Variants in RBCK1 observed in about 807,000 individuals in gnomAD.
The protein encoded by RBCK1 is RANBP2-type and C3HC4-type zinc finger containing 1.
Under a neutral mutation model 71.1 loss-of-function variants are expected in RBCK1, and 44 were observed. The ratio of observed to expected loss-of-function variants is 0.62; its 90% CI spans 0.49 to 0.80. The LOEUF (loss-of-function observed/expected upper bound fraction) is 0.80, where lower values mean the gene tolerates loss of function less well. RBCK1 is among the 30% of genes least tolerant of loss of function. The probability of loss-of-function intolerance (pLI) is 0.00; values close to 1 mark genes in which losing one functional copy is unlikely to be tolerated. For synonymous variants in RBCK1, 306 were observed against 279.7 expected (o/e 1.09, Z -0.94); for missense variants, 569 against 685.0 (o/e 0.83, Z 1.89).
At chr20:416,155 T>A (rs1300271285) in intron 2 of RBCK1, among the ~76,000 whole-genome samples, 1 of 125,648 alleles carries the variant, frequency 8.0e-6, no homozygotes, top group East Asian at 2.5e-4. Context: ...CAGCAGTCAC[T>A]TTTTTTTTTT....
At position 417,755 on chromosome 20, in the gene RBCK1, A is replaced by G. The variant is rs759216580; in HGVS notation, c.285A>G (p.Pro95=). 6.2e-7 allele frequency: 1 copy of G among 1,613,136 alleles called. No individual in the cohort carries two copies. The highest frequency in any genetic ancestry group is 1.1e-5 in the South Asian group (1 of 91,048). Residue 95 remains proline, a synonymous_variant, in exon 4 of 12, where the codon CCA becomes CCG. Coordinates refer to ENST00000356286, the MANE Select transcript of RBCK1 (RefSeq NM_031229.4). The surrounding 1 kb of genome is among the most constrained non-coding windows in gnomAD (Gnocchi z 4.7). ...AGGTTTTTCTGGACTATGGCTTCCC[A>G]CCAGTCTTGCAGCAGTGGGTGATTG... is the stretch of plus-strand genomic sequence containing the variant. ...KDMVFLDYGF[P]PVLQQWVIGQ...
At chr20:411,407 C>A (rs989515229) in intron 2 of RBCK1, among the ~76,000 whole-genome samples, 21 of 151,790 alleles carry the variant, frequency 1.4e-4, no homozygotes, top group African/African-American at 4.8e-4. Context: ...TCACTCTGTC[C>A]CCCAGGCTGG....
In RBCK1 at chr20:426,816, CTTTTTTTTTTTTTT is replaced by C. The variant is rs768525416; in HGVS notation, c.1030-482_1030-469del. Among the ~76,000 whole-genome samples, 10 of 95,476 alleles carry C rather than the reference CTTTTTTTTTTTTTT, an allele frequency of 1.0e-4. No individual in the cohort carries two copies. In the South Asian group the frequency reaches 1.8e-3, roughly 17 times the overall value. 62.6% of individuals were successfully genotyped at this position (95,476 alleles called of 152,430 possible). A position where few individuals can be genotyped will look rare whatever the true frequency, so the allele number is the denominator to read the frequency against. Reference sequence around the variant, plus strand: ...TCACTTTCTTTTTACTTTTCTTTTCCTTTTTTTTTTTTTTTTTTTTTTTTTTTTAGCTAGGATTT... The same window carrying C: ...TCACTTTCTTTTTACTTTTCTTTTCCTTTTTTTTTTTTTTAGCTAGGATTT... On this transcript the variant is annotated intron_variant, in intron 8 of 11. Coordinates refer to ENST00000356286, the MANE Select transcript of RBCK1 (RefSeq NM_031229.4).
At position 422,127 on chromosome 20, in the gene RBCK1, G is replaced by A. The variant is rs771925464; in HGVS notation, c.918G>A (p.Arg306=). 1.9e-6 allele frequency: 3 copies of A among 1,610,872 alleles called. No individual in the cohort carries two copies. The highest frequency in any genetic ancestry group is 1.7e-6 in the Non-Finnish European group (2 of 1,179,044). The change falls in exon 8 of 12, where the codon AGG becomes AGA. Residue 306 remains arginine, a splice_region_variant and synonymous_variant. Transcript: ENST00000356286. The surrounding 1 kb of genome is among the most constrained non-coding windows in gnomAD (Gnocchi z 5.0). Reference sequence around the variant, plus strand: ...ACTCTTTTCCCCTCCCCTCCCCTAGGGAGTGCCTGCAGGGCACCATCCGCA... The same window carrying A: ...ACTCTTTTCCCCTCCCCTCCCCTAGAGAGTGCCTGCAGGGCACCATCCGCA... ...VLRECLHTFC[R]ECLQGTIRNS... is the part of the protein sequence containing the mutation.
Position 409,871 on chromosome 20 carries a change from T to C in RBCK1, c.23-10T>C, listed in dbSNP as rs762693602. On this transcript the variant is annotated splice_polypyrimidine_tract_variant and intron_variant, in intron 1 of 11. Transcript: ENST00000356286. ...CTGTGCTAACTGGCTCCTGCTGTACTGGCTTTCAGCAGAGGAAATGGCCCT... is the reference window on the plus strand; with the variant it reads ...CTGTGCTAACTGGCTCCTGCTGTACCGGCTTTCAGCAGAGGAAATGGCCCT... 6.2e-7 allele frequency: 1 copy of C among 1,612,782 alleles called. No homozygotes were observed. Among genetic ancestry groups the C allele is most frequent in the Admixed American group, 1.7e-5 (1 of 59,926 alleles).
intron 6 of RBCK1, 133 bp downstream of exon 6, chr20:419,864 ACCCTGCACCTGGCTGTGAC>A (rs2016276651): frequency 3.2e-5 from 13 of 411,124 alleles, no homozygotes; most frequent in Non-Finnish European, 4.1e-5. Flanking sequence ...GCTGGCAGTG[ACCCTGCACCTGGCTGTGAC>A]CCTGCACCTG....
In RBCK1 at chr20:409,870, C is replaced by T; in HGVS notation, c.23-11C>T. ...CCTGTGCTAACTGGCTCCTGCTGTA[C>T]TGGCTTTCAGCAGAGGAAATGGCCC... is the stretch of plus-strand genomic sequence containing the variant. On this transcript the variant is annotated splice_polypyrimidine_tract_variant and intron_variant, in intron 1 of 11. Coordinates refer to ENST00000356286, the MANE Select transcript of RBCK1 (RefSeq NM_031229.4). 6.2e-7 allele frequency: 1 copy of T among 1,612,498 alleles called. No homozygotes were observed. Among genetic ancestry groups the T allele is most frequent in the Non-Finnish European group, 8.5e-7 (1 of 1,179,000 alleles).
intron 1 of RBCK1, 140 bp from the exon 2 acceptor site, chr20:409,741 G>A (rs2015586985): frequency 3.1e-6 from 4 of 1,299,602 alleles, no homozygotes; most frequent in African/African-American, 1.5e-5. Flanking sequence ...TTTAGTCTGG[G>A]TGCTGAAGGA....
intron 1 of RBCK1, among the ~76,000 whole-genome samples, chr20:409,426 T>G (rs934990105): frequency 6.6e-6 from 1 of 152,036 alleles, no homozygotes; most frequent in Non-Finnish European, 1.5e-5. Flanking sequence ...CTGGTCTCCT[T>G]AACCTGTTTA....
In RBCK1 at chr20:417,912, C is replaced by G; in HGVS notation, c.442C>G (p.Gln148Glu). ...LNPQELQRER[Q>E]LRMLEDLGFK... Reference sequence around the variant, plus strand: ...CCCTCAGGAGCTGCAGCGGGAGCGGCAGCTGCGGATGCTGGAAGGTGAGGC... The same window carrying G: ...CCCTCAGGAGCTGCAGCGGGAGCGGGAGCTGCGGATGCTGGAAGGTGAGGC... Residue 148 changes from glutamine to glutamate, a missense_variant, in exon 4 of 12, where the codon CAG becomes GAG. Physicochemically the swap from Gln to Glu is conservative, Grantham distance 29. Around this residue, in one of 2 missense-constraint regions of RBCK1, gnomAD observed 358 missense variants for 375.6 expected, o/e 0.95. Coordinates refer to ENST00000356286, the MANE Select transcript of RBCK1 (RefSeq NM_031229.4). This position sits in a 1 kb window ranked among gnomAD's most constrained non-coding sequence, Gnocchi z 4.7. The G allele has an allele frequency of 1.2e-6, 2 of 1,608,786 alleles. No homozygotes were observed. Among genetic ancestry groups the G allele is most frequent in the Non-Finnish European group, 1.7e-6 (2 of 1,179,884 alleles).
chr20:427,563 T>C (rs2016799393), intron 9 of RBCK1, 71 bp downstream of exon 9: 1 of 1,532,720 alleles, frequency 6.5e-7, no homozygotes, highest in African/African-American at 1.4e-5. Context: ...CTGCAGTGCG[T>C]GTTCTCCTGG....
At chr20:409,391 T>G (rs537321012) in intron 1 of RBCK1, among the ~76,000 whole-genome samples, 2 of 152,038 alleles carry the variant, frequency 1.3e-5, no homozygotes, top group African/African-American at 4.8e-5. Flanking sequence ...TTAGCTTCAG[T>G]GTTACCCCCT....
intron 11 of RBCK1, 71 bp downstream of exon 11, chr20:429,165 A>T: frequency 6.5e-7 from 1 of 1,533,554 alleles, no homozygotes; most frequent in Non-Finnish European, 8.8e-7. Flanking sequence ...GGCTGGGAAA[A>T]CTACAGCCCA....
Position 428,641 on chromosome 20 carries a change from G to T in RBCK1, c.1308+52G>T. ...AGGGATTTTAAGTTCTGGGATCCAGGTGGGGGCTGGGGGCTTCCCAGTAAG... is the reference window on the plus strand; with the variant it reads ...AGGGATTTTAAGTTCTGGGATCCAGTTGGGGGCTGGGGGCTTCCCAGTAAG... On this transcript the variant is annotated intron_variant, in intron 10 of 11. Coordinates refer to ENST00000356286, the MANE Select transcript of RBCK1 (RefSeq NM_031229.4). This position sits in a 1 kb window ranked among gnomAD's most constrained non-coding sequence, Gnocchi z 5.7. 1 of 1,533,922 alleles carries T rather than the reference G, an allele frequency of 6.5e-7. No individual in the cohort carries two copies. Among genetic ancestry groups the T allele is most frequent in the Non-Finnish European group, 8.8e-7 (1 of 1,136,374 alleles).
chr20:419,281 C>T, intron 4 of RBCK1, 66 bp from the exon 5 acceptor site: 1 of 1,590,434 alleles, frequency 6.3e-7, no homozygotes, highest in Non-Finnish European at 8.6e-7. Context: ...CTCAGGGAGA[C>T]CCACCCCCAT....
chr20:419,543 A>G lies in RBCK1; in HGVS notation c.583-15A>G. Reference sequence around the variant, plus strand: ...CACCCTGCCCAGTCGGGCTCACAGCACCCTCTGCTCCCAGGTGGGCTGGCA... The same window carrying G: ...CACCCTGCCCAGTCGGGCTCACAGCGCCCTCTGCTCCCAGGTGGGCTGGCA... On this transcript the variant is annotated splice_polypyrimidine_tract_variant and intron_variant, in intron 5 of 11. Coordinates refer to ENST00000356286, the MANE Select transcript of RBCK1 (RefSeq NM_031229.4). The G allele has an allele frequency of 6.2e-7, 1 of 1,606,126 alleles. No homozygotes were observed. The highest frequency in any genetic ancestry group is 8.5e-7 in the Non-Finnish European group (1 of 1,176,348).
chr20:418,955 G>A (rs943168185), intron 4 of RBCK1, among the ~76,000 whole-genome samples: 2 of 152,320 alleles, frequency 1.3e-5, no homozygotes, highest in South Asian at 2.1e-4. Flanking sequence ...TCATGTCTCA[G>A]TCCCTTTCAA....
At position 428,199 on chromosome 20, in the gene RBCK1, G is replaced by A. The variant is rs1247781039; in HGVS notation, c.1210-292G>A. ...CACCCTAGGGGTATAAGGGATTTCT[G>A]TGCCCATCAGAACTTAAATAAGCTG... On this transcript the variant is annotated intron_variant, in intron 9 of 11. Transcript: ENST00000356286. The surrounding 1 kb of genome is among the most constrained non-coding windows in gnomAD (Gnocchi z 5.7). Among the ~76,000 whole-genome samples the A allele has an allele frequency of 6.6e-6, 1 of 152,188 alleles. No homozygotes were observed. Among genetic ancestry groups the A allele is most frequent in the East Asian group, 1.9e-4 (1 of 5,196 alleles).
Position 430,339 on chromosome 20 carries a change from C to A in RBCK1, c.1453-11C>A. The A allele has an allele frequency of 6.3e-7, 1 of 1,598,298 alleles. No individual in the cohort carries two copies. On this transcript the variant is annotated splice_polypyrimidine_tract_variant and intron_variant, in intron 11 of 11. Transcript: ENST00000356286. The surrounding 1 kb of genome is among the most constrained non-coding windows in gnomAD (Gnocchi z 5.6). ...GCGCTGACATTCTCTTCTCTTCCTC[C>A]CATCCTCTAGGGCCCAGGAGACACC... is the stretch of plus-strand genomic sequence containing the variant.
Sources: allele counts gnomAD v4.1 joint callset (sites outside exome capture counted in the v4.1 genomes callset), GRCh38; gene constraint gnomAD v4.1.1; regional missense constraint gnomAD v4.1.1; non-coding constraint Gnocchi (gnomAD v3.1); transcripts MANE v1.5; gene names NCBI Gene and HGNC (gene_info 2026-07-23, HGNC 2026-07-21).